The following PPP3CA variants were observed in gnomAD, a reference collection of about 807,000 sequenced individuals.
PPP3CA encodes protein phosphatase 3 catalytic subunit alpha.
Under a neutral mutation model 66.5 loss-of-function variants are expected in PPP3CA, and 14 were observed. That is an observed-to-expected ratio of 0.21 (90% CI 0.14 to 0.33). The LOEUF (loss-of-function observed/expected upper bound fraction) is 0.33, where lower values mean the gene tolerates loss of function less well. Among genes scored for constraint, PPP3CA ranks in the 10% least tolerant of loss-of-function variants. The pLI, the probability that PPP3CA is intolerant of heterozygous loss-of-function variation, is 1.00. For synonymous variants in PPP3CA, 232 were observed against 226.2 expected (o/e 1.03, Z -0.23); for missense variants, 317 against 639.5 (o/e 0.50, Z 5.44).
At chr4:101,268,039 G>C (rs924604500) in intron 1 of PPP3CA, among the ~76,000 whole-genome samples, 25 of 152,148 alleles carry the variant, frequency 1.6e-4, no homozygotes, top group Admixed American at 1.2e-3. Flanking sequence ...AAGCATGGTG[G>C]TATGTGCCTA....
chr4:101,207,877 G>A (rs1011635380), intron 1 of PPP3CA, among the ~76,000 whole-genome samples: 2 of 151,616 alleles, frequency 1.3e-5, no homozygotes, highest in African/African-American at 4.8e-5. Flanking sequence ...ATCTAACTCA[G>A]CCTAAGCACA....
intron 5 of PPP3CA, among the ~76,000 whole-genome samples, chr4:101,096,771 A>G (rs1730213369): frequency 6.6e-6 from 1 of 152,222 alleles, no homozygotes; most frequent in African/African-American, 2.4e-5. Context: ...TATCAGGTTA[A>G]TATGATACAT....
chr4:101,083,291 C>T, intron 6 of PPP3CA, 28 bp from the exon 7 acceptor site: 1 of 1,578,736 alleles, frequency 6.3e-7, no homozygotes, highest in Non-Finnish European at 8.7e-7. Context: ...AAAAGGGAAG[C>T]ATCTGTTAGG....
At chr4:101,078,789 AT>A (rs1447801001) in intron 8 of PPP3CA, among the ~76,000 whole-genome samples, 3 of 152,108 alleles carry the variant, frequency 2.0e-5, no homozygotes, top group Non-Finnish European at 4.4e-5. Flanking sequence ...GGTGACATCA[AT>A]TTTATTCAAA....
chr4:101,321,177 C>T (rs1578663478), intron 1 of PPP3CA, among the ~76,000 whole-genome samples: 2 of 152,118 alleles, frequency 1.3e-5, no homozygotes, highest in African/African-American at 4.8e-5. Context: ...ATTTTCTCAC[C>T]TACATTTTAT....
In PPP3CA at chr4:101,109,025, C is replaced by T. The variant is rs1241684644; in HGVS notation, c.313G>A (p.Gly105Arg). The T allele has an allele frequency of 6.2e-7, 1 of 1,613,360 alleles. No homozygotes were observed. Residue 105 changes from glycine to arginine, a missense_variant, in exon 3 of 14, where the codon GGG becomes AGG. Coordinates refer to ENST00000394854, the MANE Select transcript of PPP3CA (RefSeq NM_000944.5). ...TAGCGAGTGTTGGCAGGAGATCCCC[C>T]GACTTCAAAGAGCTTCATCAAATCA... ...FFDLMKLFEV[G>R]GSPANTRYLF...
chr4:101,162,690 G>T (rs1247088306), intron 2 of PPP3CA, among the ~76,000 whole-genome samples: 1 of 152,062 alleles, frequency 6.6e-6, no homozygotes, highest in African/African-American at 2.4e-5. Flanking sequence ...CAAAGAAATG[G>T]AGTCCCCAAA....
intron 2 of PPP3CA, among the ~76,000 whole-genome samples, chr4:101,169,737 C>CT (rs5860661): frequency 0.48 from 72,351 of 149,652 alleles, 18,571 homozygotes; most frequent in Middle Eastern, 0.62. Flanking sequence ...AAGTAAATGC[C>CT]TTTTTTTTTT....
chr4:101,189,583 C>A (rs1345641011), intron 2 of PPP3CA, among the ~76,000 whole-genome samples: 6 of 147,406 alleles, frequency 4.1e-5, no homozygotes, highest in Non-Finnish European at 8.9e-5. Context: ...TTTCACTGAG[C>A]TTTAGTTTCC....
At chr4:101,201,714 T>C (rs1385171609) in intron 1 of PPP3CA, among the ~76,000 whole-genome samples, 4 of 152,258 alleles carry the variant, frequency 2.6e-5, no homozygotes, top group East Asian at 1.9e-4. Context: ...AAGATACTTA[T>C]GTCAGCACAT....
At chr4:101,319,428 T>A (rs1450566429) in intron 1 of PPP3CA, among the ~76,000 whole-genome samples, 2 of 152,100 alleles carry the variant, frequency 1.3e-5, no homozygotes, top group African/African-American at 4.8e-5. Context: ...TTCAATAATT[T>A]AAATAAATTT....
chr4:101,039,031 A>G lies in PPP3CA; in HGVS notation c.1241+1451T>C, dbSNP rs550019975. 4.7e-5 allele frequency among the ~76,000 whole-genome samples: 5 copies of G among 106,132 alleles called. 1 individual carries two copies. Among genetic ancestry groups the G allele is most frequent in the South Asian group, 7.1e-4 (2 of 2,832 alleles). 69.6% of individuals were successfully genotyped at this position (106,132 alleles called of 152,430 possible). On this transcript the variant is annotated intron_variant, in intron 11 of 13. Coordinates refer to ENST00000394854, the MANE Select transcript of PPP3CA (RefSeq NM_000944.5). ...ATAAGAAATAAAAGCATTATTGGTA[A>G]ATCTGAGGCACAATAAATAAACAAG...
At chr4:101,218,660 G>A (rs1560664579) in intron 1 of PPP3CA, among the ~76,000 whole-genome samples, 2 of 151,902 alleles carry the variant, frequency 1.3e-5, no homozygotes, top group African/African-American at 2.4e-5. Flanking sequence ...GTATAATAAC[G>A]GAAAATATAG....
chr4:101,077,730 C>T (rs1162484620), intron 8 of PPP3CA, among the ~76,000 whole-genome samples: 1 of 151,822 alleles, frequency 6.6e-6, no homozygotes, highest in Non-Finnish European at 1.5e-5. Flanking sequence ...TGAAACAGTT[C>T]TACTCCCTTT....
chr4:101,332,746 G>A (rs190690318), intron 1 of PPP3CA, among the ~76,000 whole-genome samples: 53 of 152,194 alleles, frequency 3.5e-4, no homozygotes, highest in African/African-American at 1.1e-3. Flanking sequence ...AATTAGTATC[G>A]TTTCCAAATT....
intron 2 of PPP3CA, among the ~76,000 whole-genome samples, chr4:101,181,785 T>TTTAGATAAGAAATTA: frequency 6.6e-6 from 1 of 152,250 alleles, no homozygotes; most frequent in South Asian, 2.1e-4. Context: ...TTGTCACATC[T>TTTAGATAAGAAATTA]TTAGATAAGA....
intron 1 of PPP3CA, among the ~76,000 whole-genome samples, chr4:101,284,412 G>A (rs1727773440): frequency 6.6e-6 from 1 of 151,930 alleles, no homozygotes; most frequent in Non-Finnish European, 1.5e-5. Flanking sequence ...TCAATTTTCT[G>A]GTTTTTTACA....
At chr4:101,068,952 G>A (rs1218378467) in intron 8 of PPP3CA, among the ~76,000 whole-genome samples, 1 of 152,000 alleles carries the variant, frequency 6.6e-6, no homozygotes, top group Non-Finnish European at 1.5e-5. Context: ...CTTCAGTATG[G>A]GAAAGTTAAT....
chr4:101,205,977 T>C (rs866876066), intron 1 of PPP3CA, among the ~76,000 whole-genome samples: 6 of 152,202 alleles, frequency 3.9e-5, no homozygotes, highest in Non-Finnish European at 7.3e-5. Context: ...ATTCCCAGGT[T>C]TGCATATAAT....
Sources: allele counts gnomAD v4.1 joint callset (sites outside exome capture counted in the v4.1 genomes callset), GRCh38; gene constraint gnomAD v4.1.1; transcripts MANE v1.5; gene names NCBI Gene and HGNC (gene_info 2026-07-23, HGNC 2026-07-21).